Variants in PODXL observed in about 807,000 individuals in gnomAD.
PODXL encodes the protein podocalyxin like.
PODXL carries 20 observed loss-of-function variants against 48.9 expected under a neutral mutation model. The ratio of observed to expected loss-of-function variants is 0.41; its 90% confidence interval spans 0.29 to 0.59. PODXL has a LOEUF of 0.59. PODXL is among the 20% of genes least tolerant of loss of function. The pLI is 0.31. For missense variants in PODXL, 606 were observed against 675.1 expected (o/e 0.90, Z 1.13); for synonymous variants, 295 against 287.4 (o/e 1.03, Z -0.27).
chr7:131,506,891 G>C lies in PODXL; in HGVS notation c.1102-165C>G, dbSNP rs866402988. ...CCACGCAGGCCTGCCAGGAATCAAG[G>C]GTTGCATGCTGTTCTCCTGGGCCAG... On this transcript the variant is annotated intron_variant, in intron 5 of 8. Transcript: ENST00000378555. 3 of 682,544 alleles carry C rather than the reference G, an allele frequency of 4.4e-6. No individual in the cohort carries two copies. In the African/African-American group the frequency reaches 5.4e-5, roughly 12 times the overall value. The allele number at this position is 682,544 out of a possible 1,614,324, so 42.3% of individuals were successfully genotyped here.
rs369683796 is a variant in PODXL, at chr7:131,509,585, G to A, written c.803C>T (p.Ala268Val). ...TLASQSAGITASSVISQRTQQ... is the reference protein window; with the variant it reads ...TLASQSAGITVSSVISQRTQQ... ...AGTTCTTTGCGAGATAACCGATGAC[G>A]CTGTCATTGGGAAAACGAGGGTAAT... The change falls in exon 4 of 9, where the codon GCG becomes GTG. Residue 268 changes from alanine (A) to valine (V), a missense_variant and splice_region_variant. Transcript: ENST00000378555. 7.2e-6 allele frequency: 11 copies of A among 1,527,436 alleles called. No individual in the cohort carries two copies. The highest frequency in any genetic ancestry group is 6.4e-5 in the South Asian group (5 of 77,908). The allele number at this position is 1,527,436 out of a possible 1,614,324, so 94.6% of individuals were successfully genotyped here. A position where few individuals can be genotyped will look rare whatever the true frequency, so the allele number is the denominator to read the frequency against.
intron 5 of PODXL, among the ~76,000 whole-genome samples, chr7:131,507,116 G>A (rs1338949337): frequency 2.0e-5 from 3 of 152,140 alleles, no homozygotes; most frequent in Admixed American, 1.3e-4. Context: ...CCCACAGCCC[G>A]CAGGGAGACT....
intron 1 of PODXL, among the ~76,000 whole-genome samples, chr7:131,532,509 C>CTT (rs377560182): frequency 2.0e-5 from 1 of 48,896 alleles, no homozygotes; most frequent in Non-Finnish European, 5.9e-5. Context: ...ACTTGTATAT[C>CTT]TTTTTTTTGG....
chr7:131,556,575 CGGCGGCGGCGGCGGCTGCGTCCTG>C lies in PODXL; in HGVS notation c.-240_-217del, dbSNP rs1010545141. 1.9e-5 allele frequency: 7 copies of C among 368,134 alleles called. No individual in the cohort carries two copies. Among genetic ancestry groups the C allele is most frequent in the African/African-American group, 6.5e-5 (3 of 46,336 alleles). 22.8% of individuals were successfully genotyped at this position (368,134 alleles called of 1,614,324 possible). A position where few individuals can be genotyped will look rare whatever the true frequency, so the allele number is the denominator to read the frequency against. On this transcript the variant is annotated 5_prime_UTR_variant, in exon 1 of 9. Coordinates refer to ENST00000378555, the MANE Select transcript of PODXL (RefSeq NM_001018111.3). ...GGGCGCAGAGCCAGTGGCAGAGGAG[CGGCGGCGGCGGCGGCTGCGTCCTG>C]GGCGGCGTCTGCGCGGCTGCGGCCC...
chr7:131,531,031 C>G (rs899923922), intron 1 of PODXL, among the ~76,000 whole-genome samples: 63 of 152,076 alleles, frequency 4.1e-4, no homozygotes, highest in African/African-American at 1.5e-3. Flanking sequence ...GCACTCCAGT[C>G]TGGGCAACAA....
In PODXL at chr7:131,510,866, C is replaced by A. The variant is rs367989792; in HGVS notation, c.668G>T (p.Gly223Val). ...SSSSSTVAIP[G>V]YTFTSPGMTT... Reference sequence around the variant, plus strand: ...CATCCCCGGGCTTGTGAAGGTGTAGCCAGGGATAGCCACAGTGCTTGAACT... The same window carrying A: ...CATCCCCGGGCTTGTGAAGGTGTAGACAGGGATAGCCACAGTGCTTGAACT... The change falls in exon 2 of 9, where the codon GGC becomes GTC. Residue 223 changes from glycine (G) to valine (V), a missense_variant. Coordinates refer to ENST00000378555, the MANE Select transcript of PODXL (RefSeq NM_001018111.3). 6.2e-7 allele frequency: 1 copy of A among 1,614,076 alleles called. No homozygotes were observed. The highest frequency in any genetic ancestry group is 8.5e-7 in the Non-Finnish European group (1 of 1,180,024).
chr7:131,507,811 C>T (rs1797834778), intron 5 of PODXL, among the ~76,000 whole-genome samples: 1 of 152,216 alleles, frequency 6.6e-6, no homozygotes, highest in Admixed American at 6.5e-5. Flanking sequence ...ATAAGCCCAG[C>T]CCTAGGAGAG....
chr7:131,554,033 T>C (rs1798707440), intron 1 of PODXL, among the ~76,000 whole-genome samples: 4 of 152,300 alleles, frequency 2.6e-5, no homozygotes, highest in South Asian at 4.2e-4. Context: ...GGGATGGACC[T>C]GTCTGGGGAT....
At chr7:131,507,903 A>G (rs917404489) in intron 5 of PODXL, among the ~76,000 whole-genome samples, 2 of 152,192 alleles carry the variant, frequency 1.3e-5, no homozygotes, top group African/African-American at 4.8e-5. Flanking sequence ...TGGACACCCA[A>G]AAGAAAACAA....
intron 1 of PODXL, among the ~76,000 whole-genome samples, chr7:131,545,430 T>A (rs1447163310): frequency 1.3e-5 from 2 of 152,242 alleles, no homozygotes; most frequent in Non-Finnish European, 2.9e-5. Context: ...TGTCTGGGTT[T>A]TAGTACTCTA....
intron 1 of PODXL, among the ~76,000 whole-genome samples, chr7:131,544,623 G>GTGC (rs1798536549): frequency 6.6e-6 from 1 of 151,802 alleles, no homozygotes; most frequent in Admixed American, 6.6e-5. Context: ...CCTGGGGAGG[G>GTGC]AGCAGCAGGG....
chr7:131,511,250 A>C lies in PODXL; in HGVS notation c.284T>G (p.Leu95Arg). ...VSSDSPGTTTLAQQVSGPVNT... is the reference protein window; with the variant it reads ...VSSDSPGTTTRAQQVSGPVNT... ...GACTGGGCCTGAGACTTGCTGAGCC[A>C]GGGTTGTAGTCCCCGGTGAGTCACT... The change falls in exon 2 of 9, where the codon CTG becomes CGG. Residue 95 changes from leucine to arginine, a missense_variant. Transcript: ENST00000378555. The C allele has an allele frequency of 6.2e-7, 1 of 1,613,934 alleles. No homozygotes were observed. Among genetic ancestry groups the C allele is most frequent in the Non-Finnish European group, 8.5e-7 (1 of 1,179,986 alleles).
intron 7 of PODXL, 25 bp downstream of exon 7, chr7:131,506,234 GT>G: frequency 6.2e-7 from 1 of 1,612,134 alleles, no homozygotes; most frequent in Non-Finnish European, 8.5e-7. Flanking sequence ...GAGCCACTCT[GT>G]CCCCACACTT....
intron 1 of PODXL, among the ~76,000 whole-genome samples, chr7:131,537,379 G>A (rs1798392258): frequency 6.6e-6 from 1 of 151,946 alleles, no homozygotes; most frequent in Admixed American, 6.6e-5. Flanking sequence ...CCTAGGTCAG[G>A]AGTTCGAGAC....
intron 1 of PODXL, among the ~76,000 whole-genome samples, chr7:131,528,504 T>A (rs1391935337): frequency 6.6e-6 from 1 of 152,232 alleles, no homozygotes; most frequent in Admixed American, 6.5e-5. Context: ...AGTTCCTGAT[T>A]CAGCAGGCCT....
chr7:131,538,315 G>A (rs1798417605), intron 1 of PODXL, among the ~76,000 whole-genome samples: 1 of 152,198 alleles, frequency 6.6e-6, no homozygotes, highest in Non-Finnish European at 1.5e-5. Flanking sequence ...AGGAGTGGCA[G>A]GGGCAGAAGT....
intron 3 of PODXL, 77 bp from the exon 4 acceptor site, chr7:131,509,662 A>G (rs1797876910): frequency 9.6e-7 from 1 of 1,036,948 alleles, no homozygotes; most frequent in Admixed American, 2.5e-5. Context: ...TTCTTGCTCT[A>G]ATAGTTTTCC....
rs1448667905 is a variant in PODXL at position 131,501,783 on chromosome 7, A to G, written c.*2528T>C. 1.3e-5 allele frequency: 2 copies of G among 152,208 alleles called. No homozygotes were observed. The highest frequency in any genetic ancestry group is 2.9e-5 in the Non-Finnish European group (2 of 68,054). The allele number at this position is 152,208 out of a possible 1,614,324, so 9.4% of individuals were successfully genotyped here. A position where few individuals can be genotyped will look rare whatever the true frequency, so the allele number is the denominator to read the frequency against. On this transcript the variant is annotated 3_prime_UTR_variant, in exon 9 of 9. Coordinates refer to ENST00000378555, the MANE Select transcript of PODXL (RefSeq NM_001018111.3). ...TATCAGAGAGCATTTAGAACCCAGT[A>G]AAGGTGGCAGAAGATGATGACCTTT...
intron 1 of PODXL, among the ~76,000 whole-genome samples, chr7:131,533,989 G>A (rs142348920): frequency 3.6e-4 from 55 of 152,230 alleles, no homozygotes; most frequent in Middle Eastern, 6.8e-3. Flanking sequence ...CATAGAAAGT[G>A]CCCGATCTAT....
Sources: allele counts gnomAD v4.1 joint callset (sites outside exome capture counted in the v4.1 genomes callset), GRCh38; gene constraint gnomAD v4.1.1; transcripts MANE v1.5; gene names NCBI Gene and HGNC (gene_info 2026-07-23, HGNC 2026-07-21).